The following AUTS2 variants were observed in gnomAD, a reference collection of about 807,000 sequenced individuals.
AUTS2 encodes the protein autism susceptibility gene 2 protein.
In AUTS2, 17 loss-of-function variants were observed where a neutral mutation model predicts 112.4. That is an observed-to-expected ratio of 0.15 (90% CI 0.10 to 0.23). The LOEUF (loss-of-function observed/expected upper bound fraction) is 0.23, where lower values mean the gene tolerates loss of function less well. AUTS2 is among the 10% of genes least tolerant of loss of function. The pLI, the probability that AUTS2 is intolerant of heterozygous loss-of-function variation, is 1.00. For synonymous variants in AUTS2, 751 were observed against 702.7 expected (o/e 1.07, Z -1.09); for missense variants, 1,510 against 1,701.6 (o/e 0.89, Z 1.98).
chr7:69,641,082 T>C (rs1285709070), intron 1 of AUTS2, among the ~76,000 whole-genome samples: 1 of 152,224 alleles, frequency 6.6e-6, no homozygotes, highest in Non-Finnish European at 1.5e-5. Context: ...TGTCAGGTAC[T>C]GCAGGGGAAT....
intron 4 of AUTS2, among the ~76,000 whole-genome samples, chr7:70,224,623 A>G (rs1280707009): frequency 6.6e-6 from 1 of 152,196 alleles, no homozygotes; most frequent in Non-Finnish European, 1.5e-5. Context: ...AACATGTACA[A>G]TGTTTATAAC....
intron 5 of AUTS2, among the ~76,000 whole-genome samples, chr7:70,543,210 A>G (rs1445735360): frequency 1.3e-5 from 2 of 152,096 alleles, no homozygotes; most frequent in African/African-American, 4.8e-5. Context: ...GCTCTATAAA[A>G]ATGGTTTAAG....
At chr7:70,728,580 C>T (rs1298760555) in intron 6 of AUTS2, among the ~76,000 whole-genome samples, 1 of 151,750 alleles carries the variant, frequency 6.6e-6, no homozygotes, top group Non-Finnish European at 1.5e-5. Flanking sequence ...TGGTGGCGGG[C>T]GCCTGTAGTC....
intron 4 of AUTS2, among the ~76,000 whole-genome samples, chr7:70,269,766 T>A (rs995191927): frequency 2.0e-5 from 3 of 152,212 alleles, no homozygotes; most frequent in Non-Finnish European, 4.4e-5. Flanking sequence ...TCATAGCCCA[T>A]AACAGCAAAC....
At chr7:70,595,116 T>A (rs1803133171) in intron 5 of AUTS2, among the ~76,000 whole-genome samples, 1 of 151,892 alleles carries the variant, frequency 6.6e-6, no homozygotes, top group Non-Finnish European at 1.5e-5. Flanking sequence ...AAAAAAGAAT[T>A]ATTACCAGCT....
chr7:69,599,545 C>T lies in AUTS2; in HGVS notation c.-109C>T. The T allele has an allele frequency of 7.5e-6, 8 of 1,061,258 alleles. No individual in the cohort carries two copies. The highest frequency in any genetic ancestry group is 9.5e-6 in the Non-Finnish European group (8 of 837,936). The allele number at this position is 1,061,258 out of a possible 1,614,324, so 65.7% of individuals were successfully genotyped here. A position where few individuals can be genotyped will look rare whatever the true frequency, so the allele number is the denominator to read the frequency against. On this transcript the variant is annotated 5_prime_UTR_variant, in exon 1 of 19. Coordinates refer to ENST00000342771, the MANE Select transcript of AUTS2 (RefSeq NM_015570.4). This position sits in a 1 kb window ranked among gnomAD's most constrained non-coding sequence, Gnocchi z 7.0. The stretch of plus-strand genomic sequence containing the variant: ...CGTCTCCCCCGCGCCCTCCTCGGGG[C>T]GGAGGGAAGCCGTGAAGGGGGAGGG...
chr7:69,713,004 C>A (rs1355249840), intron 1 of AUTS2, among the ~76,000 whole-genome samples: 1 of 152,210 alleles, frequency 6.6e-6, no homozygotes, highest in East Asian at 1.9e-4. Flanking sequence ...CTTTTGCTGT[C>A]CATATATCTT....
At chr7:70,404,103 T>A (rs1036005083) in intron 4 of AUTS2, among the ~76,000 whole-genome samples, 1 of 152,218 alleles carries the variant, frequency 6.6e-6, no homozygotes, top group Non-Finnish European at 1.5e-5. Context: ...TTTATAACAC[T>A]GTCTAAGACT....
chr7:70,013,277 C>T (rs1208273122), intron 2 of AUTS2, among the ~76,000 whole-genome samples: 1 of 152,162 alleles, frequency 6.6e-6, no homozygotes, highest in Non-Finnish European at 1.5e-5. Flanking sequence ...TGAGGACTAA[C>T]TTGGGCTGGG....
Position 69,646,894 on chromosome 7 carries a change from G to T in AUTS2, c.309+46932G>T, listed in dbSNP as rs531925594. ...GAGATCAGGAGATCGAGACCATCCT[G>T]GCTAACACGGTGAAACCCCGTCTCT... is the stretch of plus-strand genomic sequence containing the variant. On this transcript the variant is annotated intron_variant, in intron 1 of 18. Coordinates refer to ENST00000342771, the MANE Select transcript of AUTS2 (RefSeq NM_015570.4). Among the ~76,000 whole-genome samples the T allele has an allele frequency of 1.8e-4, 27 of 152,282 alleles. 1 individual carries two copies. In the East Asian group the frequency reaches 5.2e-3, roughly 29 times the overall value.
At chr7:70,599,653 A>G (rs900080133) in intron 5 of AUTS2, among the ~76,000 whole-genome samples, 2 of 152,168 alleles carry the variant, frequency 1.3e-5, no homozygotes, top group African/African-American at 4.8e-5. Flanking sequence ...TTTATTAAGG[A>G]GTGCCCTTTG....
At chr7:70,401,959 A>G (rs1329282455) in intron 4 of AUTS2, among the ~76,000 whole-genome samples, 1 of 152,256 alleles carries the variant, frequency 6.6e-6, no homozygotes, top group African/African-American at 2.4e-5. Flanking sequence ...AACTTCTTAC[A>G]CTATTCCCCC....
intron 6 of AUTS2, among the ~76,000 whole-genome samples, chr7:70,716,438 C>T (rs1810367604): frequency 2.0e-5 from 3 of 151,932 alleles, no homozygotes; most frequent in Non-Finnish European, 4.4e-5. Context: ...TTGAGACCAT[C>T]CTGGCTAACA....
At chr7:70,403,002 G>C (rs1211348698) in intron 4 of AUTS2, among the ~76,000 whole-genome samples, 3 of 152,158 alleles carry the variant, frequency 2.0e-5, no homozygotes, top group African/African-American at 7.2e-5. Flanking sequence ...GCTGGAAGGA[G>C]CTTAGGTGCA....
At chr7:70,358,526 T>G (rs1290314216) in intron 4 of AUTS2, among the ~76,000 whole-genome samples, 2 of 152,216 alleles carry the variant, frequency 1.3e-5, no homozygotes, top group Non-Finnish European at 2.9e-5. Context: ...TATAGGTGTG[T>G]GTACCAACAG....
At chr7:70,738,388 CTT>C (rs1787893844) in intron 6 of AUTS2, among the ~76,000 whole-genome samples, 1 of 145,944 alleles carries the variant, frequency 6.9e-6, no homozygotes, top group African/African-American at 2.5e-5. Flanking sequence ...TTTTTTTTCT[CTT>C]GGAGCAAAAA....
At chr7:70,334,728 G>A (rs1332839499) in intron 4 of AUTS2, among the ~76,000 whole-genome samples, 2 of 151,994 alleles carry the variant, frequency 1.3e-5, no homozygotes, top group Admixed American at 1.3e-4. Flanking sequence ...TTTTAATTTT[G>A]GTAGAAAAGT....
chr7:70,340,007 A>AAATTGCAG (rs1791183652), intron 4 of AUTS2, among the ~76,000 whole-genome samples: 1 of 152,154 alleles, frequency 6.6e-6, no homozygotes, highest in South Asian at 2.1e-4. Flanking sequence ...GCCAGGGTTA[A>AAATTGCAG]AATTGCAGCT....
rs779256709 is a variant in AUTS2 at position 70,232,672 on chromosome 7, G to A, written c.660+98101G>A. ...GAGGATTACAGGTGTGAGCCACTGC[G>A]CCCAGCCTGGGGTCTTGCTTTTTTA... On this transcript the variant is annotated intron_variant, in intron 4 of 18. Coordinates refer to ENST00000342771, the MANE Select transcript of AUTS2 (RefSeq NM_015570.4). Among the ~76,000 whole-genome samples, 60 of 152,130 alleles carry A rather than the reference G, an allele frequency of 3.9e-4. 1 individual carries two copies. Among genetic ancestry groups the A allele is most frequent in the Non-Finnish European group, 2.2e-4 (15 of 68,014 alleles).
Sources: allele counts gnomAD v4.1 joint callset (sites outside exome capture counted in the v4.1 genomes callset), GRCh38; gene constraint gnomAD v4.1.1; non-coding constraint Gnocchi (gnomAD v3.1); transcripts MANE v1.5; gene names NCBI Gene and HGNC (gene_info 2026-07-23, HGNC 2026-07-21).